EIF4G3: variants seen among roughly 807,000 people sequenced by gnomAD.
The protein encoded by EIF4G3 is eukaryotic translation initiation factor 4 gamma 3, also known as eIF-4-gamma 3.
EIF4G3 carries 34 observed loss-of-function variants against 186.4 expected under a neutral mutation model. The ratio of observed to expected loss-of-function variants is 0.18; its 90% CI spans 0.14 to 0.24. EIF4G3 has a LOEUF of 0.24. Among genes scored for constraint, EIF4G3 ranks in the 10% least tolerant of loss-of-function variants. The pLI is 1.00. For synonymous variants in EIF4G3, 673 were observed against 679.5 expected (o/e 0.99, Z 0.15); for missense variants, 1,536 against 1,948.5 (o/e 0.79, Z 3.99).
At chr1:21,010,263 T>C (rs1279282744) in intron 4 of EIF4G3, among the ~76,000 whole-genome samples, 1 of 151,490 alleles carries the variant, frequency 6.6e-6, no homozygotes, top group Non-Finnish European at 1.5e-5. Flanking sequence ...CTGGCCAATA[T>C]ACAAAAATTA....
intron 12 of EIF4G3, among the ~76,000 whole-genome samples, chr1:20,959,291 G>A (rs2096515674): frequency 6.6e-6 from 1 of 152,052 alleles, no homozygotes; most frequent in African/African-American, 2.4e-5. Context: ...TTGAGGAATA[G>A]ACACCCTATT....
At chr1:20,997,917 T>TAAA (rs71714195) in intron 6 of EIF4G3, among the ~76,000 whole-genome samples, 2 of 138,096 alleles carry the variant, frequency 1.4e-5, no homozygotes, top group Non-Finnish European at 3.1e-5. Context: ...TAGGATTATT[T>TAAA]AAAAAAAAAA....
chr1:20,944,160 C>T (rs570661962), intron 13 of EIF4G3, among the ~76,000 whole-genome samples: 2 of 152,046 alleles, frequency 1.3e-5, no homozygotes, highest in East Asian at 3.9e-4. Flanking sequence ...CATAATACCA[C>T]TGTGAAAGCT....
intron 2 of EIF4G3, among the ~76,000 whole-genome samples, chr1:21,165,008 A>G (rs2097832613): frequency 6.6e-6 from 1 of 152,252 alleles, no homozygotes; most frequent in Admixed American, 6.5e-5. Flanking sequence ...CAAAGGATAT[A>G]TATAGATAAT....
chr1:20,820,245 TC>T (rs2062000152), intron 33 of EIF4G3, among the ~76,000 whole-genome samples: 1 of 151,494 alleles, frequency 6.6e-6, no homozygotes, highest in African/African-American at 2.4e-5. Context: ...GACCTGGGCC[TC>T]CCGTTCCACA....
At chr1:20,809,418 A>G in intron 36 of EIF4G3, among the ~76,000 whole-genome samples, 1 of 152,232 alleles carries the variant, frequency 6.6e-6, no homozygotes, top group East Asian at 1.9e-4. Flanking sequence ...AGGAAGTACC[A>G]AAGAACTACT....
In EIF4G3 at chr1:20,806,652, C is replaced by CT. The variant is rs532703823; in HGVS notation, c.*666dup. 0.042 allele frequency: 6,131 copies of CT among 144,528 alleles called. 317 individuals carry two copies. The highest frequency in any genetic ancestry group is 0.12 in the African/African-American group (4,943 of 39,606). 9.0% of individuals were successfully genotyped at this position (144,528 alleles called of 1,614,324 possible). ...TAAGAGTACTTTTCTCAGGGTAGCA[C>CT]TTTTTTTTTTTTAAACAATTCTTGG... On this transcript the variant is annotated 3_prime_UTR_variant, in exon 37 of 37. Coordinates refer to ENST00000602326, the MANE Select transcript of EIF4G3 (RefSeq NM_001391906.1).
intron 2 of EIF4G3, among the ~76,000 whole-genome samples, chr1:21,146,124 T>C (rs1573302383): frequency 6.7e-6 from 1 of 149,884 alleles, no homozygotes; most frequent in Non-Finnish European, 1.5e-5. Flanking sequence ...GGAGTAGAGG[T>C]TGGAGGATTA....
In EIF4G3 at chr1:20,996,375, T is replaced by TA. The variant is rs1443407937; in HGVS notation, c.177+1225dup. 1.3e-4 allele frequency among the ~76,000 whole-genome samples: 20 copies of TA among 151,952 alleles called. 1 individual carries two copies. The highest frequency in any genetic ancestry group is 2.8e-4 in the Non-Finnish European group (19 of 67,952). ...ATACTTTACAATATTATCTCTGAAT[T>TA]AAAAAAAATACCCTGAGGTTTTATT... On this transcript the variant is annotated intron_variant, in intron 7 of 36. Transcript: ENST00000602326.
intron 14 of EIF4G3, among the ~76,000 whole-genome samples, chr1:20,930,883 G>A (rs921767674): frequency 1.3e-5 from 2 of 152,040 alleles, no homozygotes; most frequent in Admixed American, 6.6e-5. Flanking sequence ...TTAAGAGACA[G>A]GAATCTTGCT....
At position 20,851,058 on chromosome 1, in the gene EIF4G3, A is replaced by G. The variant is rs148191213; in HGVS notation, c.3772+200T>C. Among the ~76,000 whole-genome samples the G allele has an allele frequency of 2.9e-4, 44 of 152,306 alleles. No individual in the cohort carries two copies. The East Asian group carries it at 7.9e-3, about 27-fold the overall frequency. On this transcript the variant is annotated intron_variant, in intron 28 of 36. Coordinates refer to ENST00000602326, the MANE Select transcript of EIF4G3 (RefSeq NM_001391906.1). ...ATAACATTTAATAGAGAAAGGAGAA[A>G]ATTTACAAACTGTTCAGCTAAGGCA...
intron 2 of EIF4G3, among the ~76,000 whole-genome samples, chr1:21,106,555 G>C (rs947453254): frequency 1.9e-4 from 29 of 151,946 alleles, no homozygotes; most frequent in African/African-American, 6.5e-4. Flanking sequence ...GAAGTAGAAA[G>C]GAAATCAAAA....
chr1:21,053,254 C>A (rs1428014558), intron 3 of EIF4G3, among the ~76,000 whole-genome samples: 5 of 150,794 alleles, frequency 3.3e-5, no homozygotes, highest in Non-Finnish European at 7.4e-5. Flanking sequence ...GTGAGGAGAC[C>A]CTCTGCCTGG....
chr1:21,166,689 C>T (rs918050292), intron 2 of EIF4G3, among the ~76,000 whole-genome samples: 4 of 152,124 alleles, frequency 2.6e-5, no homozygotes, highest in African/African-American at 9.6e-5. Context: ...ATGGAGATCG[C>T]ACCACTGTAC....
rs537793651 is a variant in EIF4G3, at chr1:21,120,369, T to TA, written c.-271-31157dup. On this transcript the variant is annotated intron_variant, in intron 2 of 36. Coordinates refer to ENST00000602326, the MANE Select transcript of EIF4G3 (RefSeq NM_001391906.1). ...GTCCTGATGTAAAAAAACCAACTAA[T>TA]AAAAATCTATGTCCAGGCGCAGTGG... Among the ~76,000 whole-genome samples the TA allele has an allele frequency of 4.1e-3, 623 of 151,854 alleles. 21 individuals are homozygous for TA. Among genetic ancestry groups the TA allele is most frequent in the Non-Finnish European group, 1.3e-3 (85 of 67,942 alleles).
At chr1:20,868,632 G>C (rs2078241155) in intron 20 of EIF4G3, among the ~76,000 whole-genome samples, 1 of 152,092 alleles carries the variant, frequency 6.6e-6, no homozygotes, top group African/African-American at 2.4e-5. Flanking sequence ...AAGAATGAAA[G>C]GTATGTGACA....
intron 4 of EIF4G3, among the ~76,000 whole-genome samples, chr1:21,016,906 T>C (rs1272161537): frequency 6.7e-6 from 1 of 148,816 alleles, no homozygotes; most frequent in Non-Finnish European, 1.5e-5. Context: ...GAGGCGGAGG[T>C]TGCAGTGAGC....
intron 4 of EIF4G3, among the ~76,000 whole-genome samples, chr1:21,046,107 C>T (rs538614483): frequency 1.3e-5 from 2 of 152,268 alleles, no homozygotes; most frequent in African/African-American, 4.8e-5. Flanking sequence ...CAATCTGCCA[C>T]CAAAAGGTAC....
At chr1:20,831,622 T>A (rs1353432882) in intron 30 of EIF4G3, among the ~76,000 whole-genome samples, 3 of 117,158 alleles carry the variant, frequency 2.6e-5, no homozygotes, top group Non-Finnish European at 1.9e-5. Flanking sequence ...TTTTTTTTTT[T>A]TATACTTTAA....
Sources: gnomAD v4.1 joint callset for allele counts (sites outside exome capture counted in the v4.1 genomes callset) on GRCh38, gnomAD v4.1.1 for gene constraint, MANE v1.5 for transcripts, NCBI Gene and HGNC (gene_info 2026-07-23, HGNC 2026-07-21) for gene names.